The following C2CD5 variants were observed in gnomAD, a reference collection of about 807,000 sequenced individuals.
C2CD5 encodes the protein C2 calcium dependent domain containing 5.
In C2CD5, 109 loss-of-function variants were observed where a neutral mutation model predicts 130.3. The ratio of observed to expected loss-of-function variants is 0.84; its 90% CI spans 0.72 to 0.98. C2CD5 has a LOEUF of 0.98. Ranked by LOEUF, C2CD5 falls within the 50% of genes least tolerant of loss-of-function variation. The probability of loss-of-function intolerance (pLI) is 0.00; values close to 1 mark genes in which losing one functional copy is unlikely to be tolerated. For missense variants in C2CD5, 996 were observed against 1,261.8 expected (o/e 0.79, Z 3.19); for synonymous variants, 454 against 429.2 (o/e 1.06, Z -0.71).
intron 4 of C2CD5, 67 bp downstream of exon 4, chr12:22,527,654 A>C: frequency 1.0e-6 from 1 of 968,056 alleles, no homozygotes; most frequent in Non-Finnish European, 1.5e-6. Flanking sequence ...ATATAGCACA[A>C]ATGTCTTTAA....
chr12:22,480,167 C>T (rs1393597166), intron 14 of C2CD5, among the ~76,000 whole-genome samples: 1 of 152,136 alleles, frequency 6.6e-6, no homozygotes, highest in Non-Finnish European at 1.5e-5. Flanking sequence ...GTTTTAGCTC[C>T]ACTCATTAAC....
chr12:22,500,778 T>C (rs1232511571), intron 10 of C2CD5, among the ~76,000 whole-genome samples: 3 of 152,124 alleles, frequency 2.0e-5, no homozygotes, highest in African/African-American at 7.2e-5. Context: ...AATAAGAATG[T>C]CTAATAATTA....
chr12:22,502,225 G>A (rs975290811), intron 10 of C2CD5, among the ~76,000 whole-genome samples: 3 of 152,114 alleles, frequency 2.0e-5, no homozygotes, highest in South Asian at 4.1e-4. Context: ...TCCCCAAAAA[G>A]TCTATTCTTA....
chr12:22,480,598 G>A (rs1003149869), intron 14 of C2CD5, among the ~76,000 whole-genome samples: 2 of 152,122 alleles, frequency 1.3e-5, no homozygotes, highest in East Asian at 1.9e-4. Context: ...CATCAAAAAC[G>A]TTTGTTATAG....
At position 22,469,588 on chromosome 12, in the gene C2CD5, A is replaced by G. The variant is rs181942366; in HGVS notation, c.2533+121T>C. On this transcript the variant is annotated intron_variant, in intron 22 of 26. Coordinates refer to ENST00000446597, the MANE Select transcript of C2CD5 (RefSeq NM_001286176.2). ...CCCCTTTATGAATATGAAGAAACAT[A>G]TAATGAGGGAATGAAGGATAAATTT... The G allele has an allele frequency of 1.1e-4, 62 of 540,270 alleles. 1 individual carries two copies. In the East Asian group the frequency reaches 1.6e-3, roughly 14 times the overall value. 33.5% of individuals were successfully genotyped at this position (540,270 alleles called of 1,614,324 possible).
chr12:22,519,165 G>C, intron 7 of C2CD5: 1 of 1,535,912 alleles, frequency 6.5e-7, no homozygotes, highest in Non-Finnish European at 8.7e-7. Flanking sequence ...AGTAAGTCGT[G>C]AGCCAGTAGC....
At chr12:22,478,007 ACACT>A (rs1350363913) in intron 15 of C2CD5, 8 of 289,224 alleles carry the variant, frequency 2.8e-5, no homozygotes, top group South Asian at 1.2e-4. Context: ...CAAAACACAC[ACACT>A]CACACACACA....
chr12:22,529,982 G>A (rs756404569), intron 3 of C2CD5, among the ~76,000 whole-genome samples: 2 of 151,040 alleles, frequency 1.3e-5, no homozygotes, highest in Non-Finnish European at 3.0e-5. Context: ...AAATGACTGC[G>A]TGGAGCAACC....
At chr12:22,538,984 C>T (rs1952083816) in intron 2 of C2CD5, among the ~76,000 whole-genome samples, 3 of 152,096 alleles carry the variant, frequency 2.0e-5, no homozygotes, top group Admixed American at 6.5e-5. Flanking sequence ...CCCCTTTCTA[C>T]TGGATTATTC....
intron 14 of C2CD5, among the ~76,000 whole-genome samples, chr12:22,481,855 C>A (rs550574448): frequency 1.4e-5 from 2 of 140,848 alleles, no homozygotes; most frequent in African/African-American, 5.3e-5. Flanking sequence ...GCTGGTCTAA[C>A]TTCTGGGCTC....
intron 16 of C2CD5, 66 bp from the exon 17 acceptor site, chr12:22,472,873 A>G (rs1943261206): frequency 3.2e-6 from 3 of 927,966 alleles, no homozygotes; most frequent in Admixed American, 3.5e-5. Flanking sequence ...TTTTAAAAGA[A>G]CTATTAATAG....
chr12:22,489,318 A>G (rs117895499), intron 12 of C2CD5, among the ~76,000 whole-genome samples: 6,388 of 150,672 alleles, frequency 0.042, 168 homozygotes, highest in South Asian at 0.11. Context: ...ATATATGTGT[A>G]TATATATATA....
intron 11 of C2CD5, among the ~76,000 whole-genome samples, chr12:22,491,281 G>A (rs1946316575): frequency 6.6e-6 from 1 of 152,144 alleles, no homozygotes; most frequent in South Asian, 2.1e-4. Context: ...CCTATCATCA[G>A]CCATCCTGAG....
At chr12:22,471,209 T>A (rs188464112) in intron 20 of C2CD5, among the ~76,000 whole-genome samples, 190 bp downstream of exon 20, 1 of 152,130 alleles carries the variant, frequency 6.6e-6, no homozygotes, top group African/African-American at 2.4e-5. Flanking sequence ...ATACGTGTGC[T>A]TACCCCCTCA....
chr12:22,511,759 TA>T (rs1367199872), intron 9 of C2CD5, among the ~76,000 whole-genome samples: 1 of 152,196 alleles, frequency 6.6e-6, no homozygotes, highest in Non-Finnish European at 1.5e-5. Context: ...GTACAGACAA[TA>T]AAGTCACAGG....
intron 23 of C2CD5, chr12:22,458,816 T>C (rs1340710168): frequency 6.6e-6 from 2 of 301,724 alleles, no homozygotes; most frequent in Non-Finnish European, 1.2e-5. Context: ...ATGTCATAGT[T>C]GTGTGGTCTC....
Position 22,535,270 on chromosome 12 carries a change from C to T in C2CD5, c.165G>A (p.Trp55Ter), listed in dbSNP as rs369905292. 4 of 1,598,998 alleles carry T rather than the reference C, an allele frequency of 2.5e-6. No individual in the cohort carries two copies. Among genetic ancestry groups the T allele is most frequent in the Admixed American group, 3.4e-5 (2 of 59,622 alleles). ...TTTAAAAACTTACCTCAAATTTAAA[C>T]CACTCCGAGTTCCACTGAGGGTTGA... ...KSLNPQWNSE[W>*]FKFEVDDEDL... Residue 55 changes from tryptophan (W) to a stop codon, truncating the protein, a stop_gained, in exon 3 of 27, where the codon TGG (tryptophan) becomes TGA (stop). Transcript: ENST00000446597. LOFTEE classifies it high-confidence loss of function.
Position 22,523,819 on chromosome 12 carries a change from T to C in C2CD5, c.602-195A>G, listed in dbSNP as rs1950486249. ...ATAATTCTATTACAATATAGCATAA[T>C]TATAAAATATAATATATACTTATAC... On this transcript the variant is annotated intron_variant, in intron 6 of 26. Coordinates refer to ENST00000446597, the MANE Select transcript of C2CD5 (RefSeq NM_001286176.2). 2.6e-5 allele frequency among the ~76,000 whole-genome samples: 4 copies of C among 151,284 alleles called. No individual in the cohort carries two copies. In the South Asian group the frequency reaches 8.3e-4, roughly 31 times the overall value.
chr12:22,474,682 T>C (rs879493935), intron 16 of C2CD5, 69 bp downstream of exon 16: 4 of 1,136,716 alleles, frequency 3.5e-6, no homozygotes, highest in Non-Finnish European at 5.0e-6. Context: ...ATCATATTAA[T>C]TTAGCACGTG....
Sources: gnomAD v4.1 joint callset for allele counts (sites outside exome capture counted in the v4.1 genomes callset) on GRCh38, gnomAD v4.1.1 for gene constraint, MANE v1.5 for transcripts, NCBI Gene and HGNC (gene_info 2026-07-23, HGNC 2026-07-21) for gene names.